CSMD1: variants seen among roughly 807,000 people sequenced by gnomAD.
The protein encoded by CSMD1 is CUB and sushi domain-containing protein 1.
In CSMD1, 213 loss-of-function variants were observed where a neutral mutation model predicts 417.5. The ratio of observed to expected loss-of-function variants is 0.51; its 90% CI spans 0.46 to 0.57. CSMD1 has a LOEUF of 0.57. Ranked by LOEUF, CSMD1 falls within the 20% of genes least tolerant of loss-of-function variation. CSMD1 has a pLI of 0.00. For synonymous variants in CSMD1, 2,862 were observed against 1,736.8 expected (o/e 1.65, Z -16.11); for missense variants, 6,923 against 4,529.7 (o/e 1.53, Z -15.17).
At chr8:4,698,998 T>C (rs1447700705) in intron 1 of CSMD1, among the ~76,000 whole-genome samples, 1 of 152,040 alleles carries the variant, frequency 6.6e-6, no homozygotes, top group Non-Finnish European at 1.5e-5. Context: ...ATGGTCATGC[T>C]TTGTGTCTCC....
chr8:3,920,738 A>G (rs959639260), intron 5 of CSMD1, among the ~76,000 whole-genome samples: 5 of 32,774 alleles, frequency 1.5e-4, no homozygotes, highest in African/African-American at 5.0e-4. Context: ...AGATGATCCT[A>G]TAAATATCAT....
chr8:4,762,056 A>G (rs181051449), intron 1 of CSMD1, among the ~76,000 whole-genome samples: 32 of 152,202 alleles, frequency 2.1e-4, no homozygotes, highest in African/African-American at 6.5e-4. Context: ...TTAAGACCAA[A>G]TAAGTCTCAA....
At chr8:3,380,083 T>G (rs912905839) in intron 18 of CSMD1, among the ~76,000 whole-genome samples, 3 of 152,134 alleles carry the variant, frequency 2.0e-5, no homozygotes, top group Admixed American at 6.5e-5. Flanking sequence ...GTGAAGGATA[T>G]GAACAGACAC....
intron 1 of CSMD1, among the ~76,000 whole-genome samples, chr8:4,646,270 A>C (rs1803509301): frequency 6.6e-6 from 1 of 152,152 alleles, no homozygotes. Context: ...GTTGTATGTC[A>C]GGTATTTATT....
rs115987666 is a variant in CSMD1 at position 4,829,428 on chromosome 8, A to G, written c.85+164904T>C. On this transcript the variant is annotated intron_variant, in intron 1 of 69. Coordinates refer to ENST00000635120, the MANE Select transcript of CSMD1 (RefSeq NM_033225.6). ...TTAGTCATACCTTTTACTGCTGAAC[A>G]TCTCAACTCAGCAGTAGAAATTAAC... 3.7e-3 allele frequency among the ~76,000 whole-genome samples: 566 copies of G among 152,276 alleles called. 3 individuals are homozygous for G. Among genetic ancestry groups the G allele is most frequent in the Middle Eastern group, 0.014 (4 of 294 alleles).
intron 3 of CSMD1, among the ~76,000 whole-genome samples, chr8:4,171,279 G>C (rs182140618): frequency 6.6e-6 from 1 of 151,940 alleles, no homozygotes; most frequent in Admixed American, 6.5e-5. Context: ...CATTCACCTG[G>C]CATTTATTGT....
Position 4,764,895 on chromosome 8 carries a change from C to CAAAACAAACAAA in CSMD1, c.86-127338_86-127337insTTTGTTTGTTTT, listed in dbSNP as rs763804321. 3.3e-3 allele frequency among the ~76,000 whole-genome samples: 100 copies of CAAAACAAACAAA among 30,566 alleles called. 2 individuals carry two copies. Among genetic ancestry groups the CAAAACAAACAAA allele is most frequent in the African/African-American group, 0.012 (94 of 7,842 alleles). 20.1% of individuals were successfully genotyped at this position (30,566 alleles called of 152,430 possible). A position where few individuals can be genotyped will look rare whatever the true frequency, so the allele number is the denominator to read the frequency against. On this transcript the variant is annotated intron_variant, in intron 1 of 69. Transcript: ENST00000635120. ...CTCAAAAAAAAAAAAAAAAAAAAAACAACAACAACAAAAAAAAACCTTTGC... is the reference window on the plus strand; with the variant it reads ...CTCAAAAAAAAAAAAAAAAAAAAAACAAAACAAACAAAAACAACAACAAAAAAAAACCTTTGC...
intron 8 of CSMD1, among the ~76,000 whole-genome samples, chr8:3,596,028 C>T (rs151277199): frequency 6.6e-6 from 1 of 150,638 alleles, no homozygotes; most frequent in African/African-American, 2.5e-5. Flanking sequence ...TTGAGGAGAG[C>T]AACGTCAGTG....
At chr8:4,721,783 T>C (rs1650893458) in intron 1 of CSMD1, among the ~76,000 whole-genome samples, 1 of 152,158 alleles carries the variant, frequency 6.6e-6, no homozygotes, top group African/African-American at 2.4e-5. Context: ...TCATTCACAA[T>C]AGCCAAGGTA....
At chr8:4,426,771 C>A (rs900593455) in intron 2 of CSMD1, among the ~76,000 whole-genome samples, 1 of 146,764 alleles carries the variant, frequency 6.8e-6, no homozygotes, top group African/African-American at 2.5e-5. Context: ...TTTTATATTA[C>A]AATACAGATG....
intron 18 of CSMD1, among the ~76,000 whole-genome samples, chr8:3,385,871 G>A (rs373972292): frequency 1.1e-4 from 17 of 152,020 alleles, no homozygotes; most frequent in East Asian, 3.9e-4. Context: ...TGCCAGGGCT[G>A]GGTATGCATA....
At chr8:4,932,517 C>G (rs546668333) in intron 1 of CSMD1, among the ~76,000 whole-genome samples, 1 of 152,060 alleles carries the variant, frequency 6.6e-6, no homozygotes, top group Admixed American at 6.6e-5. Flanking sequence ...TATAAATGAA[C>G]GTATTCACCT....
At chr8:4,559,929 T>C (rs561101367) in intron 2 of CSMD1, among the ~76,000 whole-genome samples, 1 of 152,240 alleles carries the variant, frequency 6.6e-6, no homozygotes, top group African/African-American at 2.4e-5. Context: ...GGTTTCCTGA[T>C]CATAAAACAC....
chr8:4,791,702 T>A lies in CSMD1; in HGVS notation c.86-154144A>T, dbSNP rs115907893. On this transcript the variant is annotated intron_variant, in intron 1 of 69. Coordinates refer to ENST00000635120, the MANE Select transcript of CSMD1 (RefSeq NM_033225.6). ...AGAGAGAGGCCAGGATCTGGTACCA[T>A]TGTGCAAGCCAATAGTTCAAGTATT... is the stretch of plus-strand genomic sequence containing the variant. 4.8e-3 allele frequency among the ~76,000 whole-genome samples: 738 copies of A among 152,288 alleles called. 9 individuals carry two copies. Among genetic ancestry groups the A allele is most frequent in the African/African-American group, 0.017 (721 of 41,554 alleles).
chr8:4,239,000 T>C lies in CSMD1; in HGVS notation c.415+180953A>G, dbSNP rs1802231386. On this transcript the variant is annotated intron_variant, in intron 3 of 69. Transcript: ENST00000635120. ...CCCATTTTCCTGCTTCCCATCACTA[T>C]GGCTACAGGATTAGGTTCGAAAATC... 2.0e-5 allele frequency among the ~76,000 whole-genome samples: 3 copies of C among 152,350 alleles called. No homozygotes were observed. The South Asian group carries it at 6.2e-4, about 32-fold the overall frequency.
chr8:4,342,258 T>C lies in CSMD1; in HGVS notation c.415+77695A>G, dbSNP rs1800523952. 2.8e-5 allele frequency among the ~76,000 whole-genome samples: 4 copies of C among 143,578 alleles called. 1 individual carries two copies. Among genetic ancestry groups the C allele is most frequent in the Middle Eastern group, 3.5e-3 (1 of 286 alleles). The allele number at this position is 143,578 out of a possible 152,430, so 94.2% of individuals were successfully genotyped here. The stretch of plus-strand genomic sequence containing the variant: ...CTGTGTGTGTGTGTGTGTCTCTGTA[T>C]GTGTGTGTGTAGAGGGATATTTAAA... On this transcript the variant is annotated intron_variant, in intron 3 of 69. Transcript: ENST00000635120.
chr8:4,955,188 C>T (rs6558948), intron 1 of CSMD1, among the ~76,000 whole-genome samples: 1 of 152,062 alleles, frequency 6.6e-6, no homozygotes, highest in African/African-American at 2.4e-5. Flanking sequence ...GGGCTGTTCC[C>T]GTTGGCTTCT....
intron 51 of CSMD1, among the ~76,000 whole-genome samples, chr8:3,028,927 C>T (rs1810136914): frequency 1.3e-5 from 2 of 152,134 alleles, no homozygotes; most frequent in South Asian, 2.1e-4. Context: ...CTTGTGAAAA[C>T]AGTCTTTATT....
At chr8:4,591,532 G>C (rs1799982906) in intron 2 of CSMD1, among the ~76,000 whole-genome samples, 1 of 152,294 alleles carries the variant, frequency 6.6e-6, no homozygotes, top group Admixed American at 6.5e-5. Flanking sequence ...CGTGATTACA[G>C]AGTGAAGGAC....
Sources: allele counts gnomAD v4.1 joint callset (sites outside exome capture counted in the v4.1 genomes callset), GRCh38; gene constraint gnomAD v4.1.1; transcripts MANE v1.5; gene names NCBI Gene and HGNC (gene_info 2026-07-23, HGNC 2026-07-21).